Variants in ABCA1 observed in about 807,000 individuals in gnomAD.
ABCA1 encodes ATP binding cassette subfamily A member 1.
A neutral mutation model predicts 262.5 loss-of-function variants in ABCA1; 133 were observed. The ratio of observed to expected loss-of-function variants is 0.51; its 90% CI spans 0.44 to 0.59. ABCA1 has a LOEUF of 0.59. Among genes scored for constraint, ABCA1 ranks in the 20% least tolerant of loss-of-function variants. The pLI is 0.00. For missense variants in ABCA1, 2,452 were observed against 2,777.5 expected (o/e 0.88, Z 2.63); for synonymous variants, 1,022 against 1,043.5 (o/e 0.98, Z 0.40).
chr9:104,810,721 G>A (rs1831204035), intron 29 of ABCA1, 79 bp downstream of exon 29: 3 of 1,605,934 alleles, frequency 1.9e-6, no homozygotes, highest in African/African-American at 2.7e-5. Flanking sequence ...TAATTCTGAA[G>A]TCCATTCCCT....
Position 104,798,566 on chromosome 9 carries a change from A to C in ABCA1, c.4976T>G (p.Ile1659Ser), listed in dbSNP as rs1182108398. The C allele has an allele frequency of 6.2e-7, 1 of 1,614,218 alleles. No homozygotes were observed. Among genetic ancestry groups the C allele is most frequent in the Non-Finnish European group, 8.5e-7 (1 of 1,180,024 alleles). The change falls in exon 37 of 50, where the codon ATC (isoleucine) becomes AGC (serine). Residue 1659 changes from isoleucine (I) to serine (S), a missense_variant. By Grantham distance (142) the Ile-to-Ser change is moderately radical. Coordinates refer to ENST00000374736, the MANE Select transcript of ABCA1 (RefSeq NM_005502.4). ...GAAGGACATTGCAAAGATGACACAG[A>C]TGGACACAAGGACATCCACTGATGT... ...MTTSVDVLVSICVIFAMSFVP... is the reference protein window; with the variant it reads ...MTTSVDVLVSSCVIFAMSFVP...
chr9:104,799,562 TTGAACTCACTTTATA>T lies in ABCA1; in HGVS notation c.4943+242_4943+256del, dbSNP rs1427624665. On this transcript the variant is annotated intron_variant, in intron 36 of 49. Coordinates refer to ENST00000374736, the MANE Select transcript of ABCA1 (RefSeq NM_005502.4). ...TAAATTATAATTTAATTAACAATTT[TTGAACTCACTTTATA>T]TGAATTCACTAAATGTTACGATTTT... 7.1e-6 allele frequency: 7 copies of T among 983,742 alleles called. No individual in the cohort carries two copies. The East Asian group carries it at 7.9e-4, about 112-fold the overall frequency. 60.9% of individuals were successfully genotyped at this position (983,742 alleles called of 1,614,324 possible). A position where few individuals can be genotyped will look rare whatever the true frequency, so the allele number is the denominator to read the frequency against.
chr9:104,824,479 T>A lies in ABCA1; in HGVS notation c.2642A>T (p.Lys881Met), dbSNP rs921503479. ...ACAGCACTTACTTTCTGATATTCTC[T>A]TCTGGTTGGAACCAGGGTGGCTCTT... is the stretch of plus-strand genomic sequence containing the variant. ...DEKSHPGSNQ[K>M]RISEICMEEE... The change falls in exon 18 of 50, where the codon AAG (lysine) becomes ATG (methionine). Residue 881 changes from lysine (K) to methionine (M), a missense_variant. Around this residue, in one of 4 missense-constraint regions of ABCA1, gnomAD observed 1,032 missense variants for 1,089.7 expected, o/e 0.95. Transcript: ENST00000374736. The A allele has an allele frequency of 3.1e-6, 5 of 1,614,178 alleles. No individual in the cohort carries two copies. The highest frequency in any genetic ancestry group is 4.2e-6 in the Non-Finnish European group (5 of 1,180,024).
At position 104,784,324 on chromosome 9, in the gene ABCA1, G is replaced by C; in HGVS notation, c.6777C>G (p.Ser2259Arg). The change falls in exon 50 of 50, where the codon AGC becomes AGG. Residue 2259 changes from serine to arginine, a missense_variant. Coordinates refer to ENST00000374736, the MANE Select transcript of ABCA1 (RefSeq NM_005502.4). ...GTATGAACAGGATTCTTCATACATA[G>C]CTTTCTTTCACTTTCTCATCCTGTA... ...SFLQDEKVKE[S>R]YV is the part of the protein sequence containing the mutation. The C allele has an allele frequency of 6.2e-7, 1 of 1,614,074 alleles. No homozygotes were observed. The highest frequency in any genetic ancestry group is 8.5e-7 in the Non-Finnish European group (1 of 1,179,984).
chr9:104,838,453 C>CA (rs36050540), intron 9 of ABCA1, among the ~76,000 whole-genome samples: 46,606 of 137,126 alleles, frequency 0.34, 8,588 homozygotes, highest in East Asian at 0.73. Context: ...ACTCAAAATA[C>CA]AAAAAAAAAA....
At chr9:104,825,954 G>A in intron 16 of ABCA1, 67 bp from the exon 17 acceptor site, 1 of 1,542,092 alleles carries the variant, frequency 6.5e-7, no homozygotes, top group Non-Finnish European at 8.9e-7. Flanking sequence ...CTCTTCTAGT[G>A]TAAATTATAC....
intron 27 of ABCA1, among the ~76,000 whole-genome samples, chr9:104,813,459 T>A (rs1003587904): frequency 6.6e-6 from 1 of 152,216 alleles, no homozygotes; most frequent in Non-Finnish European, 1.5e-5. Flanking sequence ...TGTTGCCCAG[T>A]CTGGAGTGCA....
intron 7 of ABCA1, among the ~76,000 whole-genome samples, chr9:104,850,416 C>A (rs547106681): frequency 5.9e-5 from 9 of 152,210 alleles, no homozygotes; most frequent in South Asian, 2.1e-4. Context: ...GCCACCACAC[C>A]CAGCCAGGAG....
In ABCA1 at chr9:104,922,903, G is replaced by T. The variant is rs540562757; in HGVS notation, c.-93+5032C>A. ...AGCTAATTTTTGTATTGTTAGTAGA[G>T]ACGGGGTTTCACCATATTTGCCAGG... On this transcript the variant is annotated intron_variant, in intron 1 of 49. Transcript: ENST00000374736. Among the ~76,000 whole-genome samples the T allele has an allele frequency of 7.2e-5, 11 of 152,194 alleles. No homozygotes were observed. The South Asian group carries it at 2.3e-3, about 32-fold the overall frequency.
intron 25 of ABCA1, among the ~76,000 whole-genome samples, chr9:104,814,684 G>T (rs1050562228): frequency 5.3e-5 from 8 of 152,240 alleles, no homozygotes; most frequent in African/African-American, 1.9e-4. Context: ...GAGCTATCAA[G>T]CTAGACAATC....
intron 2 of ABCA1, among the ~76,000 whole-genome samples, chr9:104,890,132 T>C (rs914378069): frequency 4.6e-5 from 7 of 152,310 alleles, no homozygotes; most frequent in Non-Finnish European, 7.4e-5. Context: ...ATTTCTATAT[T>C]CCAACGTTGT....
At chr9:104,798,667 T>G in intron 36 of ABCA1, 69 bp from the exon 37 acceptor site, 1 of 1,395,642 alleles carries the variant, frequency 7.2e-7, no homozygotes, top group Non-Finnish European at 1.0e-6. Flanking sequence ...AGTGAGGACA[T>G]GGACACACAG....
chr9:104,830,615 G>C (rs570240393), intron 14 of ABCA1, among the ~76,000 whole-genome samples: 2 of 151,976 alleles, frequency 1.3e-5, no homozygotes, highest in Non-Finnish European at 2.9e-5. Context: ...GCTTGAACCC[G>C]GGAGGCAAAG....
chr9:104,811,328 A>C (rs537922562), intron 28 of ABCA1, among the ~76,000 whole-genome samples: 18 of 152,340 alleles, frequency 1.2e-4, no homozygotes, highest in African/African-American at 4.3e-4. Context: ...TTCTGTCTCT[A>C]GCACAAGTGT....
chr9:104,790,838 T>A, intron 44 of ABCA1, 84 bp downstream of exon 44: 1 of 965,066 alleles, frequency 1.0e-6, no homozygotes, highest in Non-Finnish European at 1.7e-6. Context: ...AAAATACCAC[T>A]GTAATCAAAA....
chr9:104,867,921 AG>A (rs1207088738), intron 5 of ABCA1, among the ~76,000 whole-genome samples: 1 of 152,198 alleles, frequency 6.6e-6, no homozygotes, highest in Non-Finnish European at 1.5e-5. Flanking sequence ...ATGATCTCTG[AG>A]GTCTTCTTAC....
chr9:104,829,847 G>A (rs2119000006), intron 14 of ABCA1, among the ~76,000 whole-genome samples: 1 of 151,910 alleles, frequency 6.6e-6, no homozygotes, highest in East Asian at 1.9e-4. Context: ...TGGTGACCTT[G>A]AAAAGCTATA....
intron 30 of ABCA1, 46 bp downstream of exon 30, chr9:104,809,420 A>G (rs765662609): frequency 6.4e-7 from 1 of 1,564,874 alleles, no homozygotes; most frequent in South Asian, 1.1e-5. Context: ...AAATCAAACC[A>G]GGCAACAAGC....
intron 3 of ABCA1, among the ~76,000 whole-genome samples, chr9:104,886,251 C>G (rs1186712161): frequency 6.6e-6 from 1 of 152,166 alleles, no homozygotes; most frequent in African/African-American, 2.4e-5. Flanking sequence ...TTTTATTCAT[C>G]TTTTTATTTT....
Sources: gnomAD v4.1 joint callset for allele counts (sites outside exome capture counted in the v4.1 genomes callset) on GRCh38, gnomAD v4.1.1 for gene constraint, gnomAD v4.1.1 regional missense constraint, MANE v1.5 for transcripts, NCBI Gene and HGNC (gene_info 2026-07-23, HGNC 2026-07-21) for gene names.